Variants in STK40 observed in about 807,000 individuals in gnomAD.
STK40 encodes the protein serine/threonine-protein kinase 40.
STK40 carries 13 observed loss-of-function variants against 47.9 expected under a neutral mutation model. The observed-to-expected ratio is 0.27, with a 90% CI of 0.18 to 0.43. The LOEUF (loss-of-function observed/expected upper bound fraction) is 0.43, where lower values mean the gene tolerates loss of function less well. Among genes scored for constraint, STK40 ranks in the 20% least tolerant of loss-of-function variants. The pLI is 1.00. For synonymous variants in STK40, 225 were observed against 243.2 expected (o/e 0.93, Z 0.69); for missense variants, 460 against 595.1 (o/e 0.77, Z 2.36).
chr1:36,355,188 A>G lies in STK40; in HGVS notation c.570+18T>C, dbSNP rs1368564713. 8 of 1,611,766 alleles carry G rather than the reference A, an allele frequency of 5.0e-6. No individual in the cohort carries two copies. Among genetic ancestry groups the G allele is most frequent in the African/African-American group, 4.0e-5 (3 of 75,010 alleles). ...GCTTTCTGTGGCCAGAAGGCGCAGC[A>G]GCAGGGTGTGGCCTCACCTGGTGCA... is the stretch of plus-strand genomic sequence containing the variant. On this transcript the variant is annotated intron_variant, in intron 5 of 10. Coordinates refer to ENST00000373132, the MANE Select transcript of STK40 (RefSeq NM_001282547.2).
chr1:36,385,328 G>A (rs1207557162), intron 1 of STK40, among the ~76,000 whole-genome samples: 1 of 150,804 alleles, frequency 6.6e-6, no homozygotes, highest in African/African-American at 2.5e-5. Context: ...CCTCCCTGGG[G>A]ACTCGTTCTA....
intron 1 of STK40, among the ~76,000 whole-genome samples, chr1:36,363,950 G>A (rs1225773277): frequency 6.6e-6 from 1 of 152,000 alleles, no homozygotes; most frequent in Non-Finnish European, 1.5e-5. Flanking sequence ...AGGAGATCGA[G>A]ACCATCCTGG....
intron 1 of STK40, among the ~76,000 whole-genome samples, chr1:36,371,330 G>A (rs1012553843): frequency 9.3e-5 from 14 of 150,664 alleles, no homozygotes; most frequent in African/African-American, 3.4e-4. Flanking sequence ...TGAGGCGGGT[G>A]GATCATGAGG....
chr1:36,376,856 A>T (rs1646996803), intron 1 of STK40, among the ~76,000 whole-genome samples: 2 of 148,438 alleles, frequency 1.3e-5, no homozygotes, highest in Non-Finnish European at 3.0e-5. Flanking sequence ...GGCTCATTGT[A>T]ACTATCACCT....
chr1:36,346,670 C>T (rs1646705107), intron 7 of STK40, among the ~76,000 whole-genome samples: 1 of 152,376 alleles, frequency 6.6e-6, no homozygotes, highest in African/African-American at 2.4e-5. Context: ...CGAGGATTCT[C>T]TCTGATTCAG....
At chr1:36,346,133 T>C (rs1317843936) in intron 7 of STK40, among the ~76,000 whole-genome samples, 2 of 150,490 alleles carry the variant, frequency 1.3e-5, no homozygotes, top group Non-Finnish European at 3.0e-5. Flanking sequence ...TAGCTGGGAC[T>C]ATAGGCACCC....
chr1:36,372,423 CAAAAAAAAA>C (rs796595993), intron 1 of STK40, among the ~76,000 whole-genome samples: 4 of 39,608 alleles, frequency 1.0e-4, no homozygotes, highest in East Asian at 7.1e-4. Flanking sequence ...GACCTTGTCT[CAAAAAAAAA>C]AAAAAAAAAA....
intron 4 of STK40, among the ~76,000 whole-genome samples, chr1:36,357,741 C>T (rs1290104145): frequency 1.3e-5 from 2 of 152,208 alleles, no homozygotes; most frequent in Non-Finnish European, 2.9e-5. Flanking sequence ...CTCAGCCTCC[C>T]GAGTAGCTGG....
chr1:36,346,009 T>TTTTTTTC (rs1436531127), intron 7 of STK40, among the ~76,000 whole-genome samples: 35 of 122,012 alleles, frequency 2.9e-4, no homozygotes, highest in African/African-American at 1.1e-3. Flanking sequence ...TTTTTTTTTT[T>TTTTTTTC]CCTGAGACAG....
chr1:36,344,123 G>C lies in STK40; in HGVS notation c.881C>G (p.Pro294Arg), dbSNP rs1207056238. The C allele has an allele frequency of 6.3e-7, 1 of 1,597,202 alleles. No homozygotes were observed. The highest frequency in any genetic ancestry group is 1.4e-5 in the African/African-American group (1 of 72,564). The change falls in exon 8 of 11, where the codon CCT becomes CGT. Residue 294 changes from proline to arginine, a missense_variant. By Grantham distance (103) the Pro-to-Arg change is moderately radical. This residue lies in a region of STK40 where 181 missense variants were observed against 218.9 expected (regional missense o/e 0.83). Coordinates refer to ENST00000373132, the MANE Select transcript of STK40 (RefSeq NM_001282547.2). ...RKIKAAEYTI[P>R]EDGRVSENTV... ...CCCCCCGGGAGGCAGGACTCACTCA[G>C]GAATGGTATACTCGGCAGCCTTGAT...
In STK40 at chr1:36,354,492, C is replaced by T. The variant is rs1158444086; in HGVS notation, c.571-76G>A. 57 of 1,504,238 alleles carry T rather than the reference C, an allele frequency of 3.8e-5. No individual in the cohort carries two copies. In the East Asian group the frequency reaches 1.3e-3, roughly 33 times the overall value. 93.2% of individuals were successfully genotyped at this position (1,504,238 alleles called of 1,614,324 possible). A position where few individuals can be genotyped will look rare whatever the true frequency, so the allele number is the denominator to read the frequency against. On this transcript the variant is annotated intron_variant, in intron 5 of 10. Coordinates refer to ENST00000373132, the MANE Select transcript of STK40 (RefSeq NM_001282547.2). The stretch of plus-strand genomic sequence containing the variant: ...CAGGGCCCACCCTGTAAGATGGGGG[C>T]TCTCCAGGTGTTCGAGAAGGCAGGA...
intron 6 of STK40, among the ~76,000 whole-genome samples, chr1:36,353,503 C>A (rs143876384): frequency 6.6e-6 from 1 of 152,354 alleles, no homozygotes; most frequent in East Asian, 1.9e-4. Context: ...CAAGGGTGGG[C>A]CGCCAGATCC....
chr1:36,361,408 G>T (rs1204320794), intron 1 of STK40, 68 bp from the exon 2 acceptor site: 4 of 1,598,000 alleles, frequency 2.5e-6, no homozygotes, highest in Non-Finnish European at 3.4e-6. Context: ...AACCCAGCCT[G>T]CAGGCCTTTG....
At chr1:36,381,671 T>G (rs548666451) in intron 1 of STK40, among the ~76,000 whole-genome samples, 5 of 152,196 alleles carry the variant, frequency 3.3e-5, no homozygotes, top group African/African-American at 1.2e-4. Flanking sequence ...TTAATTTTTG[T>G]AGAGATGGGG....
intron 6 of STK40, among the ~76,000 whole-genome samples, chr1:36,351,753 TG>T (rs1291272573): frequency 6.6e-6 from 1 of 152,152 alleles, no homozygotes; most frequent in East Asian, 1.9e-4. Flanking sequence ...CAAGGGGCCC[TG>T]GGGAAGTGAG....
intron 4 of STK40, among the ~76,000 whole-genome samples, chr1:36,356,424 T>TTTC (rs1451231057): frequency 2.4e-5 from 3 of 126,832 alleles, no homozygotes; most frequent in African/African-American, 4.0e-5. Context: ...TTTTCTTTTT[T>TTTC]TTTTTTTTTT....
rs374295999 is a variant in STK40, at chr1:36,343,955, G to A, written c.909C>T (p.Thr303=). The change falls in exon 9 of 11, where the codon ACC becomes ACT. Residue 303 remains threonine (T), a synonymous_variant. Transcript: ENST00000373132. The stretch of plus-strand genomic sequence containing the variant: ...CCAGCAGCTTCCGGATGAGACACAC[G>A]GTGTTCTCAGAAACCCGTCCATCCC... ...IPEDGRVSEN[T]VCLIRKLLVL... 7.2e-5 allele frequency: 116 copies of A among 1,606,648 alleles called. No individual in the cohort carries two copies. Among genetic ancestry groups the A allele is most frequent in the Non-Finnish European group, 9.1e-5 (107 of 1,174,772 alleles).
chr1:36,358,710 G>C, intron 3 of STK40, 27 bp downstream of exon 3: 1 of 1,611,760 alleles, frequency 6.2e-7, no homozygotes, highest in Non-Finnish European at 8.5e-7. Flanking sequence ...TGTTCCTGAG[G>C]CACCCTCACC....
intron 6 of STK40, among the ~76,000 whole-genome samples, chr1:36,350,845 G>A (rs374737291): frequency 4.5e-4 from 68 of 152,324 alleles, no homozygotes; most frequent in Middle Eastern, 3.4e-3. Flanking sequence ...CACAGCTGAG[G>A]CTCTGCAGGG....
Sources: gnomAD v4.1 joint callset for allele counts (sites outside exome capture counted in the v4.1 genomes callset) on GRCh38, gnomAD v4.1.1 for gene constraint, gnomAD v4.1.1 regional missense constraint, MANE v1.5 for transcripts, NCBI Gene and HGNC (gene_info 2026-07-23, HGNC 2026-07-21) for gene names.